The following DOHH variants were observed in gnomAD, a reference collection of about 807,000 sequenced individuals.
DOHH encodes deoxyhypusine hydroxylase.
A neutral mutation model predicts 19.9 loss-of-function variants in DOHH; 16 were observed. The ratio of observed to expected loss-of-function variants is 0.80; its 90% CI spans 0.54 to 1.22. DOHH has a LOEUF of 1.22. DOHH is among the 50% of genes most tolerant of loss of function. The pLI is 0.00. For missense variants in DOHH, 460 were observed against 460.6 expected (o/e 1.00, Z 0.01); for synonymous variants, 233 against 217.0 (o/e 1.07, Z -0.65).
rs1382314469 is a variant in DOHH at position 3,491,437 on chromosome 19, C to T, written c.*55G>A. 4.7e-6 allele frequency: 7 copies of T among 1,485,864 alleles called. No individual in the cohort carries two copies. Among genetic ancestry groups the T allele is most frequent in the East Asian group, 2.5e-5 (1 of 39,956 alleles). The allele number at this position is 1,485,864 out of a possible 1,614,324, so 92.0% of individuals were successfully genotyped here. ...ACCCGGTTTAGACGCCAAAGCTCTG[C>T]GGGGGAGGAGCGGCCCTCAAGAGTC... is the stretch of plus-strand genomic sequence containing the variant. On this transcript the variant is annotated 3_prime_UTR_variant, in exon 5 of 5. Coordinates refer to ENST00000427575, the MANE Select transcript of DOHH (RefSeq NM_001145165.2). The surrounding 1 kb of genome is among the most constrained non-coding windows in gnomAD (Gnocchi z 5.6).
At chr19:3,494,581 G>A (rs1324286381) in intron 2 of DOHH, among the ~76,000 whole-genome samples, 2 of 152,240 alleles carry the variant, frequency 1.3e-5, no homozygotes, top group Non-Finnish European at 2.9e-5. Flanking sequence ...GGGGCCACTG[G>A]GGCTACACTT....
In DOHH at chr19:3,491,937, C is replaced by T. The variant is rs1309425042; in HGVS notation, c.590-126G>A. On this transcript the variant is annotated intron_variant, in intron 4 of 4. Coordinates refer to ENST00000427575, the MANE Select transcript of DOHH (RefSeq NM_001145165.2). The surrounding 1 kb of genome is among the most constrained non-coding windows in gnomAD (Gnocchi z 5.6). Reference sequence around the variant, plus strand: ...CAAAGTCCTGGCGATCTTCCCATCCCGGCCTCCCAAAGTGCTGGGACGACA... The same window carrying T: ...CAAAGTCCTGGCGATCTTCCCATCCTGGCCTCCCAAAGTGCTGGGACGACA... 1.1e-5 allele frequency: 12 copies of T among 1,107,184 alleles called. No individual in the cohort carries two copies. The highest frequency in any genetic ancestry group is 5.4e-5 in the South Asian group (3 of 55,682). 68.6% of individuals were successfully genotyped at this position (1,107,184 alleles called of 1,614,324 possible). A position where few individuals can be genotyped will look rare whatever the true frequency, so the allele number is the denominator to read the frequency against.
Position 3,491,413 on chromosome 19 carries a change from C to G in DOHH, c.*79G>C. 2 of 1,408,840 alleles carry G rather than the reference C, an allele frequency of 1.4e-6. No homozygotes were observed. The highest frequency in any genetic ancestry group is 1.9e-6 in the Non-Finnish European group (2 of 1,053,680). 87.3% of individuals were successfully genotyped at this position (1,408,840 alleles called of 1,614,324 possible). A position where few individuals can be genotyped will look rare whatever the true frequency, so the allele number is the denominator to read the frequency against. On this transcript the variant is annotated 3_prime_UTR_variant, in exon 5 of 5. Transcript: ENST00000427575. This position sits in a 1 kb window ranked among gnomAD's most constrained non-coding sequence, Gnocchi z 5.6. ...AAGCGATGACACCGATTTACACACA[C>G]CCGGTTTAGACGCCAAAGCTCTGCG...
At position 3,496,895 on chromosome 19, in the gene DOHH, GA is replaced by G; in HGVS notation, c.-72-10del. The G allele has an allele frequency of 7.2e-7, 1 of 1,386,698 alleles. No homozygotes were observed. Among genetic ancestry groups the G allele is most frequent in the Non-Finnish European group, 9.4e-7 (1 of 1,065,272 alleles). 85.9% of individuals were successfully genotyped at this position (1,386,698 alleles called of 1,614,324 possible). On this transcript the variant is annotated splice_polypyrimidine_tract_variant and intron_variant, in intron 1 of 4. Transcript: ENST00000427575. This position sits in a 1 kb window ranked among gnomAD's most constrained non-coding sequence, Gnocchi z 4.8. ...CGCGGGGATGTAAGAACCTGTGGCAGAAAAATGAGAGCCCAGGTTAGAAGCC... is the reference window on the plus strand; with the variant it reads ...CGCGGGGATGTAAGAACCTGTGGCAGAAAATGAGAGCCCAGGTTAGAAGCC...
rs1160310196 is a variant in DOHH, at chr19:3,500,597, G to C, written c.-109C>G. 2 of 152,272 alleles carry C rather than the reference G, an allele frequency of 1.3e-5. No homozygotes were observed. The highest frequency in any genetic ancestry group is 2.9e-5 in the Non-Finnish European group (2 of 68,066). The allele number at this position is 152,272 out of a possible 1,614,324, so 9.4% of individuals were successfully genotyped here. ...GACTCAGGACCCGTCGGCCCGGCCA[G>C]TAACCGCAGGCGCCTCTGCCACCAC... On this transcript the variant is annotated 5_prime_UTR_variant, in exon 1 of 5. Transcript: ENST00000427575.
At position 3,491,484 on chromosome 19, in the gene DOHH, G is replaced by C; in HGVS notation, c.*8C>G. On this transcript the variant is annotated 3_prime_UTR_variant, in exon 5 of 5. Transcript: ENST00000427575. This position sits in a 1 kb window ranked among gnomAD's most constrained non-coding sequence, Gnocchi z 5.6. ...AGTCCTCCGGGAGCTCCGGGTGAGG[G>C]TGGGGCCCTAGGAGGGGGCCCCGCG... 1 of 1,531,550 alleles carries C rather than the reference G, an allele frequency of 6.5e-7. No homozygotes were observed. Among genetic ancestry groups the C allele is most frequent in the Non-Finnish European group, 8.7e-7 (1 of 1,145,558 alleles). 94.9% of individuals were successfully genotyped at this position (1,531,550 alleles called of 1,614,324 possible).
chr19:3,496,155 G>C lies in DOHH; in HGVS notation c.274+386C>G, dbSNP rs1285871482. On this transcript the variant is annotated intron_variant, in intron 2 of 4. Transcript: ENST00000427575. The surrounding 1 kb of genome is among the most constrained non-coding windows in gnomAD (Gnocchi z 4.8). ...GCCTCCCAAGTGGCTGCGACTACAGGTGCATGCCACCATGCCTGGCTAATT... is the reference window on the plus strand; with the variant it reads ...GCCTCCCAAGTGGCTGCGACTACAGCTGCATGCCACCATGCCTGGCTAATT... Among the ~76,000 whole-genome samples the C allele has an allele frequency of 6.6e-6, 1 of 152,096 alleles. No individual in the cohort carries two copies. Among genetic ancestry groups the C allele is most frequent in the Non-Finnish European group, 1.5e-5 (1 of 68,014 alleles).
At position 3,491,282 on chromosome 19, in the gene DOHH, C is replaced by CCAGG. The variant is rs1490566082; in HGVS notation, c.*206_*209dup. On this transcript the variant is annotated 3_prime_UTR_variant, in exon 5 of 5. Coordinates refer to ENST00000427575, the MANE Select transcript of DOHH (RefSeq NM_001145165.2). This position sits in a 1 kb window ranked among gnomAD's most constrained non-coding sequence, Gnocchi z 5.6. The stretch of plus-strand genomic sequence containing the variant: ...GAAACTTCCACGCTACAGCCCTGCG[C>CCAGG]CAGGCCCCGAGGAGCAGTCAGGGGA... The CCAGG allele has an allele frequency of 3.3e-6, 2 of 610,046 alleles. No homozygotes were observed. Among genetic ancestry groups the CCAGG allele is most frequent in the East Asian group, 2.9e-5 (1 of 34,684 alleles). The allele number at this position is 610,046 out of a possible 1,614,324, so 37.8% of individuals were successfully genotyped here.
In DOHH at chr19:3,500,550, G is replaced by GGA. The variant is rs2082943106; in HGVS notation, c.-73+9_-73+10dup. 6.6e-6 allele frequency: 1 copy of GGA among 152,228 alleles called. No homozygotes were observed. Among genetic ancestry groups the GGA allele is most frequent in the Non-Finnish European group, 1.5e-5 (1 of 68,044 alleles). 9.4% of individuals were successfully genotyped at this position (152,228 alleles called of 1,614,324 possible). A position where few individuals can be genotyped will look rare whatever the true frequency, so the allele number is the denominator to read the frequency against. On this transcript the variant is annotated intron_variant, in intron 1 of 4. Coordinates refer to ENST00000427575, the MANE Select transcript of DOHH (RefSeq NM_001145165.2). Reference sequence around the variant, plus strand: ...CCCCACACCGTGATCGCCGCCTCCGGGACGCCTCACCGAGCTCTGGAGACT... The same window carrying GGA: ...CCCCACACCGTGATCGCCGCCTCCGGGAGACGCCTCACCGAGCTCTGGAGACT...
chr19:3,491,794 C>T lies in DOHH; in HGVS notation c.607G>A (p.Ala203Thr). 1 of 1,499,214 alleles carries T rather than the reference C, an allele frequency of 6.7e-7. No homozygotes were observed. The highest frequency in any genetic ancestry group is 8.9e-7 in the Non-Finnish European group (1 of 1,127,490). 92.9% of individuals were successfully genotyped at this position (1,499,214 alleles called of 1,614,324 possible). A position where few individuals can be genotyped will look rare whatever the true frequency, so the allele number is the denominator to read the frequency against. ...TAGCCGACCTCGTGGCGGAAGAGGG[C>T]GCTCCCACAGTGCAGACCTGCAGGG... is the stretch of plus-strand genomic sequence containing the variant. Reference protein sequence around the residue: ...ALAEGLHCGSALFRHEVGYVL... With the variant: ...ALAEGLHCGSTLFRHEVGYVL... Residue 203 changes from alanine (A) to threonine (T), a missense_variant, in exon 5 of 5, where the codon GCC becomes ACC. Physicochemically the swap from Ala to Thr is moderately conservative, Grantham distance 58. Transcript: ENST00000427575. This position sits in a 1 kb window ranked among gnomAD's most constrained non-coding sequence, Gnocchi z 5.6.
At position 3,496,321 on chromosome 19, in the gene DOHH, TTGTCTG is replaced by T; in HGVS notation, c.274+214_274+219del. 6.6e-6 allele frequency among the ~76,000 whole-genome samples: 1 copy of T among 152,166 alleles called. No homozygotes were observed. Among genetic ancestry groups the T allele is most frequent in the East Asian group, 1.9e-4 (1 of 5,196 alleles). Reference sequence around the variant, plus strand: ...GCCACCGCCCCCTGCCCAGTTGAGGTTGTCTGGGCACACAGCCTTAGCCATTTGGTG... The same window carrying T: ...GCCACCGCCCCCTGCCCAGTTGAGGTGGCACACAGCCTTAGCCATTTGGTG... On this transcript the variant is annotated intron_variant, in intron 2 of 4. Coordinates refer to ENST00000427575, the MANE Select transcript of DOHH (RefSeq NM_001145165.2). The surrounding 1 kb of genome is among the most constrained non-coding windows in gnomAD (Gnocchi z 4.8).
At position 3,492,310 on chromosome 19, in the gene DOHH, C is replaced by T. The variant is rs755986071; in HGVS notation, c.541G>A (p.Ala181Thr). The change falls in exon 4 of 5, where the codon GCC (alanine) becomes ACC (threonine). Residue 181 changes from alanine to threonine, a missense_variant. By Grantham distance (58) the Ala-to-Thr change is moderately conservative. Coordinates refer to ENST00000427575, the MANE Select transcript of DOHH (RefSeq NM_001145165.2). ...PLFERYRAMF[A>T]LRNAGGEEAA... ...TCCTCGCCTCCCGCGTTGCGCAGGG[C>T]GAACATGGCGCGGTATCGCTCGAAG... 23 of 1,536,820 alleles carry T rather than the reference C, an allele frequency of 1.5e-5. No individual in the cohort carries two copies. The highest frequency in any genetic ancestry group is 2.0e-5 in the Non-Finnish European group (23 of 1,150,328).
rs1481907327 is a variant in DOHH at position 3,496,567 on chromosome 19, T to G, written c.248A>C (p.Gln83Pro). The stretch of plus-strand genomic sequence containing the variant: ...TGCCTCATGGCGCACCATGGGCTCC[T>G]GACGGGTGTCTTGCAGCACGTCCAC... Reference protein sequence around the residue: ...MLVDVLQDTRQEPMVRHEAGE... With the variant: ...MLVDVLQDTRPEPMVRHEAGE... The change falls in exon 2 of 5, where the codon CAG becomes CCG. Residue 83 changes from glutamine (Q) to proline (P), a missense_variant. Gln to Pro is a moderately conservative substitution (Grantham distance 76, BLOSUM62 -1). Transcript: ENST00000427575. This position sits in a 1 kb window ranked among gnomAD's most constrained non-coding sequence, Gnocchi z 4.8. The G allele has an allele frequency of 6.2e-7, 1 of 1,613,332 alleles. No homozygotes were observed. Among genetic ancestry groups the G allele is most frequent in the African/African-American group, 1.3e-5 (1 of 74,960 alleles).
intron 1 of DOHH, among the ~76,000 whole-genome samples, chr19:3,499,680 G>A (rs923322303): frequency 6.6e-6 from 1 of 152,186 alleles, no homozygotes; most frequent in Non-Finnish European, 1.5e-5. Flanking sequence ...GCTGAGGTAG[G>A]AGAATCGCCT....
At chr19:3,495,278 G>A (rs1485725270) in intron 2 of DOHH, among the ~76,000 whole-genome samples, 3 of 152,018 alleles carry the variant, frequency 2.0e-5, no homozygotes, top group Non-Finnish European at 4.4e-5. Flanking sequence ...CACCCGACCT[G>A]AACAGTCCAT....
intron 2 of DOHH, 101 bp from the exon 3 acceptor site, chr19:3,494,205 A>T (rs1364308997): frequency 9.7e-7 from 1 of 1,033,862 alleles, no homozygotes; most frequent in South Asian, 1.5e-5. Flanking sequence ...GGGCTCTGCC[A>T]CTGTGGGGAA....
rs200085356 is a variant in DOHH at position 3,492,435 on chromosome 19, G to A, written c.416C>T (p.Pro139Leu). The change falls in exon 4 of 5, where the codon CCG becomes CTG. Residue 139 changes from proline (P) to leucine (L), a missense_variant. Coordinates refer to ENST00000427575, the MANE Select transcript of DOHH (RefSeq NM_001145165.2). Reference protein sequence around the residue: ...LEWLQQHGGEPAAGPYLSVDP... With the variant: ...LEWLQQHGGELAAGPYLSVDP... ...CACGGAGAGGTAGGGTCCCGCCGCC[G>A]GCTCCCCGCCGTGCTGCTGCAGCCA... The A allele has an allele frequency of 3.9e-3, 5,823 of 1,487,438 alleles. 19 individuals are homozygous for A. The highest frequency in any genetic ancestry group is 4.7e-3 in the Non-Finnish European group (5,300 of 1,124,410). The allele number at this position is 1,487,438 out of a possible 1,614,324, so 92.1% of individuals were successfully genotyped here.
chr19:3,494,121 G>A lies in DOHH; in HGVS notation c.275-17C>T, dbSNP rs371866932. 16 of 1,610,642 alleles carry A rather than the reference G, an allele frequency of 9.9e-6. No homozygotes were observed. The highest frequency in any genetic ancestry group is 1.3e-5 in the Non-Finnish European group (15 of 1,177,390). On this transcript the variant is annotated splice_polypyrimidine_tract_variant and intron_variant, in intron 2 of 4. Transcript: ENST00000427575. ...GGGCCTCCCCTGGGAAGAAGCAGCCGGAGAGCTCATGTTGGTGGGGTGGAT... is the reference window on the plus strand; with the variant it reads ...GGGCCTCCCCTGGGAAGAAGCAGCCAGAGAGCTCATGTTGGTGGGGTGGAT...
Position 3,496,302 on chromosome 19 carries a change from G to A in DOHH, c.274+239C>T, listed in dbSNP as rs1056737439. 2.6e-5 allele frequency among the ~76,000 whole-genome samples: 4 copies of A among 152,170 alleles called. No individual in the cohort carries two copies. The highest frequency in any genetic ancestry group is 4.4e-5 in the Non-Finnish European group (3 of 68,030). ...GCTAAGATTACAGGCCTGAGCCACC[G>A]CCCCCTGCCCAGTTGAGGTTGTCTG... On this transcript the variant is annotated intron_variant, in intron 2 of 4. Transcript: ENST00000427575. The surrounding 1 kb of genome is among the most constrained non-coding windows in gnomAD (Gnocchi z 4.8).
Sources: allele counts gnomAD v4.1 joint callset (sites outside exome capture counted in the v4.1 genomes callset), GRCh38; gene constraint gnomAD v4.1.1; non-coding constraint Gnocchi (gnomAD v3.1); transcripts MANE v1.5; gene names NCBI Gene and HGNC (gene_info 2026-07-23, HGNC 2026-07-21).